DLG1: variants seen among roughly 807,000 people sequenced by gnomAD.
The protein encoded by DLG1 is discs large MAGUK scaffold protein 1.
A neutral mutation model predicts 123.4 loss-of-function variants in DLG1; 42 were observed. The ratio of observed to expected loss-of-function variants is 0.34; its 90% CI spans 0.27 to 0.44. The LOEUF (loss-of-function observed/expected upper bound fraction) is 0.44. DLG1 is among the 20% of genes least tolerant of loss of function. The pLI is 1.00. For missense variants in DLG1, 942 were observed against 1,082.6 expected, an observed-to-expected ratio of 0.87 and a Z score of 1.82; for synonymous variants, 317 against 356.2, an observed-to-expected ratio of 0.89 and a Z score of 1.24.
intron 10 of DLG1, among the ~76,000 whole-genome samples, chr3:197,131,065 G>C (rs1260757357): frequency 6.6e-6 from 1 of 152,104 alleles, no homozygotes; most frequent in Non-Finnish European, 1.5e-5. Flanking sequence ...TCCATGTTGG[G>C]ACACAAATTA....
At chr3:197,094,423 C>G (rs776615675) in intron 14 of DLG1, among the ~76,000 whole-genome samples, 1 of 152,092 alleles carries the variant, frequency 6.6e-6, no homozygotes, top group African/African-American at 2.4e-5. Flanking sequence ...TTTTGTTTGG[C>G]TTTTGTCTTT....
chr3:197,074,991 A>G (rs978054939), intron 18 of DLG1, among the ~76,000 whole-genome samples: 6 of 152,108 alleles, frequency 3.9e-5, no homozygotes, highest in African/African-American at 1.4e-4. Flanking sequence ...CATTTAGAAA[A>G]TATTAGATTA....
chr3:197,117,725 T>C (rs972272308), intron 12 of DLG1, among the ~76,000 whole-genome samples: 2 of 152,134 alleles, frequency 1.3e-5, no homozygotes, highest in African/African-American at 4.8e-5. Context: ...TCTGAAGTAA[T>C]GAAAAGGTTT....
chr3:197,246,341 G>C (rs1751724874), intron 4 of DLG1, among the ~76,000 whole-genome samples: 2 of 152,078 alleles, frequency 1.3e-5, no homozygotes, highest in African/African-American at 4.8e-5. Context: ...TTTAGGTTTG[G>C]GTTCCCTGTC....
chr3:197,230,330 C>T (rs1742285987), intron 4 of DLG1, among the ~76,000 whole-genome samples: 1 of 151,992 alleles, frequency 6.6e-6, no homozygotes. Flanking sequence ...ATTACAGTTC[C>T]ATGTTTAAAA....
At chr3:197,143,458 G>T (rs189838273) in intron 6 of DLG1, among the ~76,000 whole-genome samples, 33 of 152,076 alleles carry the variant, frequency 2.2e-4, no homozygotes, top group African/African-American at 7.0e-4. Flanking sequence ...GGGTTTCACC[G>T]TGTTAGCCAG....
At chr3:197,183,917 GAT>G in intron 5 of DLG1, 2 of 1,447,926 alleles carry the variant, frequency 1.4e-6, no homozygotes, top group Non-Finnish European at 1.8e-6. Flanking sequence ...ATCACTTGTA[GAT>G]CAGTGAAAAT....
intron 14 of DLG1, among the ~76,000 whole-genome samples, chr3:197,104,185 C>G (rs558145105): frequency 1.3e-5 from 2 of 152,040 alleles, no homozygotes; most frequent in African/African-American, 4.8e-5. Context: ...TAGAAAAAAT[C>G]TGGGTGACCT....
intron 6 of DLG1, among the ~76,000 whole-genome samples, chr3:197,147,432 G>GCGCGCA (rs967982862): frequency 6.8e-6 from 1 of 147,086 alleles, no homozygotes; most frequent in African/African-American, 2.5e-5. Context: ...TATATGGTGT[G>GCGCGCA]CACACACACA....
At chr3:197,274,077 C>A (rs1285767018) in intron 4 of DLG1, among the ~76,000 whole-genome samples, 1 of 152,152 alleles carries the variant, frequency 6.6e-6, no homozygotes, top group Non-Finnish European at 1.5e-5. Flanking sequence ...ATACCAGTGA[C>A]ATTCTTCATA....
At chr3:197,233,446 G>A (rs1160530641) in intron 4 of DLG1, among the ~76,000 whole-genome samples, 1 of 152,174 alleles carries the variant, frequency 6.6e-6, no homozygotes, top group Admixed American at 6.5e-5. Flanking sequence ...GTGTGCAGTG[G>A]TGGGATCTCA....
intron 19 of DLG1, among the ~76,000 whole-genome samples, chr3:197,069,011 TTTA>T (rs1741680824): frequency 6.6e-6 from 1 of 152,074 alleles, no homozygotes; most frequent in African/African-American, 2.4e-5. Flanking sequence ...AAATAATATT[TTTA>T]TTTTATTAAA....
At chr3:197,094,254 A>G (rs1759386045) in intron 14 of DLG1, among the ~76,000 whole-genome samples, 1 of 152,138 alleles carries the variant, frequency 6.6e-6, no homozygotes, top group Non-Finnish European at 1.5e-5. Flanking sequence ...TGAATTCCTA[A>G]CCTACAAAAC....
intron 5 of DLG1, among the ~76,000 whole-genome samples, chr3:197,151,954 C>T (rs1254048606): frequency 6.6e-6 from 1 of 152,144 alleles, no homozygotes; most frequent in African/African-American, 2.4e-5. Flanking sequence ...AATATCCTTG[C>T]CCTTTTACTG....
At chr3:197,224,199 T>G (rs536493629) in intron 4 of DLG1, among the ~76,000 whole-genome samples, 2 of 152,304 alleles carry the variant, frequency 1.3e-5, no homozygotes, top group East Asian at 3.9e-4. Context: ...AGTGGTGCTG[T>G]GCAATGAATT....
In DLG1 at chr3:197,239,564, A is replaced by G. The variant is rs534210494; in HGVS notation, c.318+43115T>C. On this transcript the variant is annotated intron_variant, in intron 4 of 24. Coordinates refer to ENST00000667157, the MANE Select transcript of DLG1 (RefSeq NM_001366207.1). ...CAATATCCTTCATGAACAGTGATAC[A>G]AAAATCCTCAATAAAATACTAGCAA... is the stretch of plus-strand genomic sequence containing the variant. 4.9e-5 allele frequency among the ~76,000 whole-genome samples: 7 copies of G among 142,864 alleles called. No individual in the cohort carries two copies. The East Asian group carries it at 1.3e-3, about 26-fold the overall frequency. The allele number at this position is 142,864 out of a possible 152,430, so 93.7% of individuals were successfully genotyped here.
chr3:197,145,319 T>C lies in DLG1; in HGVS notation c.538-2551A>G, dbSNP rs376431484. Among the ~76,000 whole-genome samples, 217 of 152,360 alleles carry C rather than the reference T, an allele frequency of 1.4e-3. 2 individuals carry two copies. Among genetic ancestry groups the C allele is most frequent in the African/African-American group, 4.9e-3 (203 of 41,588 alleles). On this transcript the variant is annotated intron_variant, in intron 6 of 24. Transcript: ENST00000667157. ...TATCGAATAAGCAGTTTTGACATTA[T>C]TGATGAATCTATTACATTTCATGGT...
intron 11 of DLG1, among the ~76,000 whole-genome samples, chr3:197,121,177 G>C (rs1337575659): frequency 2.0e-5 from 3 of 151,882 alleles, no homozygotes; most frequent in Non-Finnish European, 4.4e-5. Flanking sequence ...TCCTTTCTGG[G>C]GCAGTTAATC....
intron 4 of DLG1, among the ~76,000 whole-genome samples, chr3:197,247,312 C>T (rs373889): frequency 0.74 from 111,703 of 151,920 alleles, 41,169 homozygotes; most frequent in East Asian, 0.81. Context: ...TTCAGGATTA[C>T]ATGGGGGAGG....
Sources: allele counts gnomAD v4.1 joint callset (sites outside exome capture counted in the v4.1 genomes callset), GRCh38; gene constraint gnomAD v4.1.1; transcripts MANE v1.5; gene names NCBI Gene and HGNC (gene_info 2026-07-23, HGNC 2026-07-21).